The following TMEM132D variants were observed in gnomAD, a reference collection of about 807,000 sequenced individuals.
TMEM132D encodes mature OL transmembrane protein.
A neutral mutation model predicts 62.3 loss-of-function variants in TMEM132D; 21 were observed. The ratio of observed to expected loss-of-function variants is 0.34; its 90% CI spans 0.24 to 0.49. The LOEUF (loss-of-function observed/expected upper bound fraction) is 0.49, where lower values mean the gene tolerates loss of function less well. Ranked by LOEUF, TMEM132D falls within the 20% of genes least tolerant of loss-of-function variation. The pLI is 0.99. For missense variants in TMEM132D, 1,346 were observed against 1,402.8 expected (o/e 0.96, Z 0.65); for synonymous variants, 621 against 575.6 (o/e 1.08, Z -1.13).
chr12:129,183,956 C>T (rs1878148482), intron 5 of TMEM132D, among the ~76,000 whole-genome samples: 2 of 152,190 alleles, frequency 1.3e-5, no homozygotes, highest in Admixed American at 1.3e-4. Context: ...ACAAAGGTGC[C>T]TGTCCATTGT....
chr12:129,668,875 T>C (rs1224324313), intron 2 of TMEM132D, among the ~76,000 whole-genome samples: 1 of 152,188 alleles, frequency 6.6e-6, no homozygotes, highest in Non-Finnish European at 1.5e-5. Context: ...ATAGAGCCAA[T>C]TAAAGCTCAC....
At chr12:129,432,056 C>A (rs1329360202) in intron 3 of TMEM132D, among the ~76,000 whole-genome samples, 1 of 152,246 alleles carries the variant, frequency 6.6e-6, no homozygotes, top group Non-Finnish European at 1.5e-5. Flanking sequence ...CATCACCTTG[C>A]TGTACCCATC....
intron 7 of TMEM132D, among the ~76,000 whole-genome samples, chr12:129,079,225 C>T (rs945221969): frequency 2.0e-5 from 3 of 152,192 alleles, no homozygotes; most frequent in Admixed American, 6.5e-5. Flanking sequence ...AACTAGAAGG[C>T]GGATCCTGCT....
chr12:129,216,348 T>A (rs1200214954), intron 4 of TMEM132D, among the ~76,000 whole-genome samples: 1 of 152,168 alleles, frequency 6.6e-6, no homozygotes, highest in Admixed American at 6.5e-5. Context: ...TGTGAGCTTA[T>A]TTGGAATCAG....
At chr12:129,855,104 CGGGGG>C (rs2137361356) in intron 1 of TMEM132D, among the ~76,000 whole-genome samples, 1 of 132,894 alleles carries the variant, frequency 7.5e-6, no homozygotes, top group African/African-American at 2.8e-5. Flanking sequence ...TAACAGAGTC[CGGGGG>C]AACGGGATGG....
At chr12:129,152,683 T>G (rs1421780728) in intron 5 of TMEM132D, among the ~76,000 whole-genome samples, 1 of 152,118 alleles carries the variant, frequency 6.6e-6, no homozygotes, top group East Asian at 1.9e-4. Flanking sequence ...TGGGCCTGGG[T>G]GTAGGCTTGT....
chr12:129,608,491 G>A (rs1222943213), intron 2 of TMEM132D, among the ~76,000 whole-genome samples: 1 of 152,134 alleles, frequency 6.6e-6, no homozygotes, highest in Non-Finnish European at 1.5e-5. Flanking sequence ...CTCCTATTTG[G>A]CAAATATCTG....
At chr12:129,437,455 A>G (rs1872816675) in intron 3 of TMEM132D, among the ~76,000 whole-genome samples, 2 of 152,210 alleles carry the variant, frequency 1.3e-5, no homozygotes, top group Non-Finnish European at 2.9e-5. Context: ...GAGGTTAAGT[A>G]TGAATGAACG....
chr12:129,813,224 C>T (rs1310255746), intron 1 of TMEM132D, among the ~76,000 whole-genome samples: 1 of 151,788 alleles, frequency 6.6e-6, no homozygotes, highest in Non-Finnish European at 1.5e-5. Flanking sequence ...ACGCTGTCCT[C>T]ATCTTGTTGG....
intron 5 of TMEM132D, among the ~76,000 whole-genome samples, chr12:129,194,112 C>T (rs2135557778): frequency 6.6e-6 from 1 of 152,310 alleles, no homozygotes; most frequent in African/African-American, 2.4e-5. Flanking sequence ...TGGTCCATGG[C>T]TCCTTGTTTT....
At chr12:129,751,110 A>C (rs966907998) in intron 1 of TMEM132D, among the ~76,000 whole-genome samples, 1 of 152,160 alleles carries the variant, frequency 6.6e-6, no homozygotes, top group African/African-American at 2.4e-5. Context: ...TCCTGTATTA[A>C]TCCATTTTCA....
chr12:129,552,762 C>T (rs1876935706), intron 2 of TMEM132D, among the ~76,000 whole-genome samples: 2 of 152,150 alleles, frequency 1.3e-5, no homozygotes, highest in African/African-American at 4.8e-5. Context: ...ACCTATCTAC[C>T]TAGCATCTAT....
intron 1 of TMEM132D, among the ~76,000 whole-genome samples, chr12:129,886,892 C>T (rs370812748): frequency 2.2e-4 from 34 of 152,294 alleles, no homozygotes; most frequent in African/African-American, 7.9e-4. Flanking sequence ...TTTTGCTGGG[C>T]ACTTCTCCTT....
At chr12:129,087,869 GA>G in intron 5 of TMEM132D, among the ~76,000 whole-genome samples, 1 of 140,548 alleles carries the variant, frequency 7.1e-6, no homozygotes, top group Non-Finnish European at 1.6e-5. Flanking sequence ...TGTCCTCCAT[GA>G]CCGGGTGTCC....
At chr12:129,578,312 T>A (rs547081098) in intron 2 of TMEM132D, among the ~76,000 whole-genome samples, 1 of 152,144 alleles carries the variant, frequency 6.6e-6, no homozygotes, top group African/African-American at 2.4e-5. Context: ...TCAACCAACA[T>A]GATCATATGA....
chr12:129,816,067 G>T (rs533090344), intron 1 of TMEM132D, among the ~76,000 whole-genome samples: 1 of 152,162 alleles, frequency 6.6e-6, no homozygotes, highest in Admixed American at 6.5e-5. Context: ...CAGCTGTTCC[G>T]CTCATGGTGT....
chr12:129,211,747 T>G (rs1048854250), intron 4 of TMEM132D, among the ~76,000 whole-genome samples: 1 of 152,224 alleles, frequency 6.6e-6, no homozygotes, highest in Non-Finnish European at 1.5e-5. Context: ...GGAATATGCA[T>G]AGGCCTTCAA....
chr12:129,716,603 C>T (rs776504722), intron 1 of TMEM132D, among the ~76,000 whole-genome samples: 1 of 152,194 alleles, frequency 6.6e-6, no homozygotes, highest in Non-Finnish European at 1.5e-5. Context: ...AAGACATCCA[C>T]GTCCTAATCC....
intron 5 of TMEM132D, among the ~76,000 whole-genome samples, chr12:129,147,608 T>C (rs1309073949): frequency 6.6e-6 from 1 of 152,136 alleles, no homozygotes. Flanking sequence ...CAGCCTTGGA[T>C]TGGGTGCTGT....
Sources: allele counts gnomAD v4.1 joint callset (sites outside exome capture counted in the v4.1 genomes callset), GRCh38; gene constraint gnomAD v4.1.1; transcripts MANE v1.5; gene names NCBI Gene and HGNC (gene_info 2026-07-23, HGNC 2026-07-21).